Variants in LOXHD1 observed in about 807,000 individuals in gnomAD.
LOXHD1 encodes the protein lipoxygenase homology domain-containing protein 1.
In LOXHD1, 205 loss-of-function variants were observed where a neutral mutation model predicts 248.2. That is an observed-to-expected ratio of 0.83 (90% CI 0.74 to 0.93). LOXHD1 has a LOEUF of 0.93. Among genes scored for constraint, LOXHD1 ranks in the 40% least tolerant of loss-of-function variants. The probability of loss-of-function intolerance (pLI) is 0.00; values close to 1 mark genes in which losing one functional copy is unlikely to be tolerated. For synonymous variants in LOXHD1, 1,113 were observed against 1,162.8 expected, an observed-to-expected ratio of 0.96 and a Z score of 0.87; for missense variants, 2,930 against 2,971.6, an observed-to-expected ratio of 0.99 and a Z score of 0.33.
intron 2 of LOXHD1, among the ~76,000 whole-genome samples, chr18:46,645,986 G>A (rs2039024177): frequency 6.6e-6 from 1 of 152,198 alleles, no homozygotes; most frequent in African/African-American, 2.4e-5. Flanking sequence ...GTAAGACTGA[G>A]GCTCTAATAT....
At chr18:46,614,302 A>G (rs2038551342) in intron 5 of LOXHD1, among the ~76,000 whole-genome samples, 1 of 152,222 alleles carries the variant, frequency 6.6e-6, no homozygotes, top group Admixed American at 6.5e-5. Context: ...CACAATAGCA[A>G]AGACTTGGAA....
intron 40 of LOXHD1, 124 bp from the exon 41 acceptor site, chr18:46,478,076 G>C (rs2032188835): frequency 3.8e-6 from 5 of 1,302,486 alleles, no homozygotes; most frequent in Admixed American, 2.8e-5. Context: ...GGATATTGGA[G>C]CTGGAAATGT....
chr18:46,545,474 A>C (rs2036761177), intron 22 of LOXHD1, 53 bp from the exon 23 acceptor site: 1 of 1,349,614 alleles, frequency 7.4e-7, no homozygotes, highest in South Asian at 1.3e-5. Flanking sequence ...CTTTCATGAA[A>C]GGAGGAAAGA....
chr18:46,630,929 G>A (rs1479629656), intron 4 of LOXHD1, among the ~76,000 whole-genome samples: 2 of 152,098 alleles, frequency 1.3e-5, no homozygotes, highest in Non-Finnish European at 2.9e-5. Flanking sequence ...ACCCAGAGAG[G>A]ATGAGCAACT....
intron 14 of LOXHD1, among the ~76,000 whole-genome samples, chr18:46,574,604 A>G (rs534123482): frequency 1.3e-5 from 2 of 149,056 alleles, no homozygotes; most frequent in African/African-American, 5.0e-5. Context: ...AAGACATAAG[A>G]ACCCATTTTC....
At chr18:46,494,847 C>CTT (rs1256277774) in intron 37 of LOXHD1, among the ~76,000 whole-genome samples, 22 of 113,432 alleles carry the variant, frequency 1.9e-4, no homozygotes, top group African/African-American at 6.4e-4. Flanking sequence ...TTTTCTCTCT[C>CTT]TCTTTTTTTT....
intron 20 of LOXHD1, 128 bp from the exon 21 acceptor site, chr18:46,557,617 T>C: frequency 9.1e-7 from 1 of 1,096,196 alleles, no homozygotes; most frequent in Non-Finnish European, 1.3e-6. Context: ...CAACCAGGAG[T>C]GGGGATGATG....
At chr18:46,484,945 C>T (rs1378500753) in intron 39 of LOXHD1, 74 bp downstream of exon 39, 3 of 1,518,428 alleles carry the variant, frequency 2.0e-6, no homozygotes, top group Non-Finnish European at 2.7e-6. Flanking sequence ...TGGCTCCCAC[C>T]CAAGAGGGAG....
chr18:46,625,220 C>A (rs1209642327), intron 4 of LOXHD1, among the ~76,000 whole-genome samples: 1 of 152,202 alleles, frequency 6.6e-6, no homozygotes, highest in Non-Finnish European at 1.5e-5. Flanking sequence ...GCCAAACCCA[C>A]ACGGCCCCAT....
intron 21 of LOXHD1, among the ~76,000 whole-genome samples, chr18:46,549,150 G>T (rs544400206): frequency 4.6e-5 from 7 of 152,282 alleles, no homozygotes; most frequent in Admixed American, 4.6e-4. Flanking sequence ...TACCAGGGAG[G>T]GGACCAGGCA....
chr18:46,582,296 C>G (rs908736217), intron 12 of LOXHD1, among the ~76,000 whole-genome samples: 3 of 151,364 alleles, frequency 2.0e-5, no homozygotes, highest in Non-Finnish European at 4.4e-5. Flanking sequence ...GAGAACAAAC[C>G]TATATTGGAA....
At chr18:46,566,589 T>C in intron 16 of LOXHD1, 140 bp from the exon 17 acceptor site, 1 of 762,048 alleles carries the variant, frequency 1.3e-6, no homozygotes, top group Non-Finnish European at 2.1e-6. Context: ...ATGGGAAAGC[T>C]GGAATCCCAT....
chr18:46,494,212 C>G, intron 37 of LOXHD1, among the ~76,000 whole-genome samples: 1 of 152,246 alleles, frequency 6.6e-6, no homozygotes, highest in Admixed American at 6.5e-5. Flanking sequence ...GTATGCCTGA[C>G]GTCTCTAATG....
At chr18:46,515,815 G>A (rs1487445793) in intron 34 of LOXHD1, among the ~76,000 whole-genome samples, 1 of 152,158 alleles carries the variant, frequency 6.6e-6, no homozygotes, top group Non-Finnish European at 1.5e-5. Context: ...AGAAACCACG[G>A]TCTCTACAGA....
intron 35 of LOXHD1, among the ~76,000 whole-genome samples, chr18:46,509,373 C>T (rs955601653): frequency 7.9e-5 from 12 of 152,186 alleles, no homozygotes; most frequent in Admixed American, 7.9e-4. Flanking sequence ...CCAGGCCTTG[C>T]TCCTCCTCTC....
At chr18:46,579,533 C>G (rs773290502) in intron 13 of LOXHD1, 97 bp downstream of exon 13, 10 of 1,486,026 alleles carry the variant, frequency 6.7e-6, no homozygotes, top group Middle Eastern at 1.8e-4. Flanking sequence ...GCCCCAGGAC[C>G]AGCATCAGCT....
At chr18:46,509,556 TAC>T (rs758296427) in intron 35 of LOXHD1, 140 bp downstream of exon 35, 19 of 723,598 alleles carry the variant, frequency 2.6e-5, no homozygotes. Context: ...CCAAAGGGCA[TAC>T]TGGATCATAT....
chr18:46,591,736 G>C (rs930056940), intron 12 of LOXHD1, among the ~76,000 whole-genome samples, 197 bp downstream of exon 12: 2 of 152,124 alleles, frequency 1.3e-5, no homozygotes, highest in African/African-American at 2.4e-5. Flanking sequence ...ACCAATCATG[G>C]TAGAGCTCCG....
intron 18 of LOXHD1, among the ~76,000 whole-genome samples, chr18:46,560,860 G>A (rs138558981): frequency 2.5e-4 from 38 of 152,174 alleles, no homozygotes; most frequent in Non-Finnish European, 2.8e-4. Flanking sequence ...GCACGCGCGC[G>A]CGCGCGCCTC....
Sources: gnomAD v4.1 joint callset for allele counts (sites outside exome capture counted in the v4.1 genomes callset) on GRCh38, gnomAD v4.1.1 for gene constraint, MANE v1.5 for transcripts, NCBI Gene and HGNC (gene_info 2026-07-23, HGNC 2026-07-21) for gene names.